TRIM9: variants seen among roughly 807,000 people sequenced by gnomAD.
TRIM9 encodes E3 ubiquitin-protein ligase TRIM9.
Under a neutral mutation model 78.3 loss-of-function variants are expected in TRIM9, and 26 were observed. The observed-to-expected ratio is 0.33, with a 90% CI of 0.24 to 0.46. The LOEUF is 0.46. TRIM9 is among the 20% of genes least tolerant of loss of function. The pLI, the probability that TRIM9 is intolerant of heterozygous loss-of-function variation, is 1.00. For missense variants in TRIM9, 787 were observed against 1,036.4 expected (o/e 0.76, Z 3.30); for synonymous variants, 398 against 416.5 (o/e 0.96, Z 0.54).
chr14:50,981,282 T>C (rs2139298612), intron 11 of TRIM9, among the ~76,000 whole-genome samples: 1 of 152,346 alleles, frequency 6.6e-6, no homozygotes, highest in East Asian at 1.9e-4. Flanking sequence ...GCCATTCAAA[T>C]TGGCATCCAT....
chr14:50,978,149 G>A (rs2051307304), intron 12 of TRIM9, among the ~76,000 whole-genome samples: 1 of 152,112 alleles, frequency 6.6e-6, no homozygotes, highest in South Asian at 2.1e-4. Flanking sequence ...CTCCTTGCAG[G>A]GAGAAGGGCA....
Position 50,981,841 on chromosome 14 carries a change from A to G in TRIM9, c.2121T>C (p.Asn707=). The change falls in exon 11 of 13, where the codon AAT becomes AAC. Residue 707 remains asparagine, a synonymous_variant. Coordinates refer to ENST00000684578, the MANE Select transcript of TRIM9 (RefSeq NM_001387360.1). The part of the protein sequence containing the change: ...DDKAWAMYVD[N]NRSWFMHNNS... ...TGTTGTGCATGAACCAGCTCCGGTT[A>G]TTGTCCACATACATTGCCCAAGCTT... 1 of 1,614,204 alleles carries G rather than the reference A, an allele frequency of 6.2e-7. No homozygotes were observed. The highest frequency in any genetic ancestry group is 8.5e-7 in the Non-Finnish European group (1 of 1,180,054).
intron 1 of TRIM9, among the ~76,000 whole-genome samples, chr14:51,093,625 T>A (rs1442716949): frequency 6.6e-6 from 1 of 152,114 alleles, no homozygotes; most frequent in Non-Finnish European, 1.5e-5. Flanking sequence ...TCCCCGACCC[T>A]CCGCCGTGCC....
At chr14:51,086,538 C>T (rs2063769262) in intron 1 of TRIM9, among the ~76,000 whole-genome samples, 1 of 152,108 alleles carries the variant, frequency 6.6e-6, no homozygotes, top group Non-Finnish European at 1.5e-5. Context: ...TTGAACCAAC[C>T]TTTATCTAAC....
At chr14:50,988,872 G>A (rs1486229828) in intron 7 of TRIM9, among the ~76,000 whole-genome samples, 2 of 152,100 alleles carry the variant, frequency 1.3e-5, no homozygotes, top group Non-Finnish European at 2.9e-5. Flanking sequence ...GAGTCTTAGA[G>A]GGAAGAAACT....
intron 5 of TRIM9, among the ~76,000 whole-genome samples, chr14:51,002,278 C>T (rs1446334754): frequency 1.4e-5 from 2 of 141,686 alleles, no homozygotes; most frequent in African/African-American, 2.5e-5. Context: ...CCTGCCACCA[C>T]GGCTGGCTGA....
Position 51,094,768 on chromosome 14 carries a change from A to C in TRIM9, c.172T>G (p.Ser58Ala). 1 of 1,527,892 alleles carries C rather than the reference A, an allele frequency of 6.5e-7. No homozygotes were observed. The allele number at this position is 1,527,892 out of a possible 1,614,324, so 94.6% of individuals were successfully genotyped here. ...TCCAGGTCCAGATAGTCATAGTCGG[A>C]GACCCCGGAGCCCGCGGCCCGATGG... ...QSHRAAGSGVSDYDYLDLDKM... is the reference protein window; with the variant it reads ...QSHRAAGSGVADYDYLDLDKM... The change falls in exon 1 of 13, where the codon TCC becomes GCC. Residue 58 changes from serine (S) to alanine (A), a missense_variant. Ser to Ala is a moderately conservative substitution (Grantham distance 99, BLOSUM62 1). Coordinates refer to ENST00000684578, the MANE Select transcript of TRIM9 (RefSeq NM_001387360.1).
At chr14:50,977,758 T>C (rs1441761801) in intron 12 of TRIM9, among the ~76,000 whole-genome samples, 1 of 152,196 alleles carries the variant, frequency 6.6e-6, no homozygotes, top group African/African-American at 2.4e-5. Context: ...CCACTAGTTA[T>C]TGTAATTAGG....
chr14:51,078,248 T>C (rs1181113779), intron 1 of TRIM9, among the ~76,000 whole-genome samples: 10 of 152,222 alleles, frequency 6.6e-5, no homozygotes, highest in Non-Finnish European at 1.5e-5. Flanking sequence ...AGTGGGTATA[T>C]TGTGCCACTG....
chr14:50,985,297 G>C (rs1004230564), intron 8 of TRIM9, among the ~76,000 whole-genome samples: 4 of 152,168 alleles, frequency 2.6e-5, no homozygotes, highest in Admixed American at 1.3e-4. Context: ...TAGGCATTAG[G>C]AGTTAAGGGT....
intron 1 of TRIM9, among the ~76,000 whole-genome samples, chr14:51,042,099 C>T (rs1175848767): frequency 2.0e-5 from 3 of 152,140 alleles, no homozygotes; most frequent in Non-Finnish European, 4.4e-5. Context: ...ATGATGCAGG[C>T]CCTCTGCAAA....
chr14:50,983,286 A>G (rs2052225659), intron 9 of TRIM9, 94 bp downstream of exon 9: 2 of 1,060,044 alleles, frequency 1.9e-6, no homozygotes, highest in Admixed American at 2.5e-5. Context: ...AGACAATTTT[A>G]TTGACATAAG....
intron 1 of TRIM9, among the ~76,000 whole-genome samples, chr14:51,080,213 C>A: frequency 1.4e-5 from 2 of 148,078 alleles, no homozygotes; most frequent in African/African-American, 2.5e-5. Flanking sequence ...TAATGTCTAT[C>A]GAAAGCCAAT....
At chr14:50,993,923 C>G (rs1316397957) in intron 7 of TRIM9, among the ~76,000 whole-genome samples, 3 of 152,132 alleles carry the variant, frequency 2.0e-5, no homozygotes, top group East Asian at 1.9e-4. Context: ...TAATACCTTC[C>G]TCATAAAGTA....
At chr14:51,003,938 G>A (rs1333472851) in intron 5 of TRIM9, among the ~76,000 whole-genome samples, 2 of 152,114 alleles carry the variant, frequency 1.3e-5, no homozygotes, top group Admixed American at 1.3e-4. Flanking sequence ...ATTTTATAGT[G>A]GGTGTTATGT....
rs2057891637 is a variant in TRIM9 at position 51,022,877 on chromosome 14, C to T, written c.999G>A (p.Gln333=). The T allele has an allele frequency of 3.1e-6, 5 of 1,614,074 alleles. No individual in the cohort carries two copies. Among genetic ancestry groups the T allele is most frequent in the Non-Finnish European group, 4.2e-6 (5 of 1,180,036 alleles). The change falls in exon 3 of 13, where the codon CAG becomes CAA. Residue 333 remains glutamine (Q), a synonymous_variant. Transcript: ENST00000684578. Reference sequence around the variant, plus strand: ...GCTCCTTGTTGACGCGGGCCAGCAGCTGGGCTTTTCTTCTGTTGAGGGCAT... The same window carrying T: ...GCTCCTTGTTGACGCGGGCCAGCAGTTGGGCTTTTCTTCTGTTGAGGGCAT... The part of the protein sequence containing the change: ...LIDALNRRKA[Q]LLARVNKEHE...
At chr14:50,982,294 G>A in intron 10 of TRIM9, 191 bp from the exon 11 acceptor site, 1 of 633,898 alleles carries the variant, frequency 1.6e-6, no homozygotes, top group Non-Finnish European at 2.7e-6. Flanking sequence ...AGCAGACGGA[G>A]GACACACGAC....
intron 1 of TRIM9, among the ~76,000 whole-genome samples, chr14:51,084,263 T>C (rs1287734888): frequency 6.6e-6 from 1 of 152,198 alleles, no homozygotes; most frequent in African/African-American, 2.4e-5. Context: ...CCATTGTTTA[T>C]CGAGCTTGGT....
At chr14:51,058,064 A>T (rs1405899113) in intron 1 of TRIM9, among the ~76,000 whole-genome samples, 1 of 152,238 alleles carries the variant, frequency 6.6e-6, no homozygotes, top group Non-Finnish European at 1.5e-5. Context: ...TAGTAATCTG[A>T]CAGCCTATCA....
Sources: gnomAD v4.1 joint callset for allele counts (sites outside exome capture counted in the v4.1 genomes callset) on GRCh38, gnomAD v4.1.1 for gene constraint, MANE v1.5 for transcripts, NCBI Gene and HGNC (gene_info 2026-07-23, HGNC 2026-07-21) for gene names.